The following PDE4D variants were observed in gnomAD, a reference collection of about 807,000 sequenced individuals.
PDE4D encodes the protein phosphodiesterase 4D.
A neutral mutation model predicts 87.4 loss-of-function variants in PDE4D; 24 were observed. The ratio of observed to expected loss-of-function variants is 0.27; its 90% CI spans 0.20 to 0.39. The LOEUF is 0.39. PDE4D is among the 10% of genes least tolerant of loss of function. PDE4D has a pLI of 1.00. For missense variants in PDE4D, 714 were observed against 1,041.0 expected, an observed-to-expected ratio of 0.69 and a Z score of 4.32; for synonymous variants, 384 against 383.2, an observed-to-expected ratio of 1.00 and a Z score of -0.02.
At chr5:60,402,210 T>C (rs970978338) in intron 1 of PDE4D, among the ~76,000 whole-genome samples, 1 of 152,138 alleles carries the variant, frequency 6.6e-6, no homozygotes, top group African/African-American at 2.4e-5. Flanking sequence ...GTAGAGAACA[T>C]TGAACTATAA....
At chr5:59,158,191 G>A (rs1439590037) in intron 5 of PDE4D, among the ~76,000 whole-genome samples, 1 of 152,116 alleles carries the variant, frequency 6.6e-6, no homozygotes, top group Non-Finnish European at 1.5e-5. Context: ...ATTGCCTTCT[G>A]ATCATTTAAC....
At chr5:60,241,593 T>C (rs1268453669) in intron 1 of PDE4D, among the ~76,000 whole-genome samples, 1 of 151,616 alleles carries the variant, frequency 6.6e-6, no homozygotes, top group East Asian at 1.9e-4. Flanking sequence ...GAAGAAAAAA[T>C]TAGTGAGCTA....
At chr5:59,185,077 ACAACATGG>A in intron 4 of PDE4D, 104 bp downstream of exon 4, 1 of 731,188 alleles carries the variant, frequency 1.4e-6, no homozygotes, top group Non-Finnish European at 2.3e-6. Context: ...GTATACACAG[ACAACATGG>A]CAACAACACA....
chr5:60,192,328 A>G (rs551009182), intron 1 of PDE4D, among the ~76,000 whole-genome samples: 1 of 152,180 alleles, frequency 6.6e-6, no homozygotes, highest in Non-Finnish European at 1.5e-5. Flanking sequence ...CATTTCATAT[A>G]TTGCTGATCA....
intron 2 of PDE4D, among the ~76,000 whole-genome samples, chr5:60,177,010 C>G (rs921449068): frequency 6.6e-6 from 1 of 152,122 alleles, no homozygotes; most frequent in African/African-American, 2.4e-5. Context: ...GCAGAAAGGA[C>G]TGGGTTTGTC....
intron 1 of PDE4D, among the ~76,000 whole-genome samples, chr5:59,790,774 T>C (rs1053434148): frequency 2.6e-5 from 4 of 152,232 alleles, no homozygotes; most frequent in African/African-American, 9.6e-5. Context: ...ATGCAATTCA[T>C]TGTGAAATTA....
chr5:59,036,939 A>G (rs1418403815), intron 6 of PDE4D, among the ~76,000 whole-genome samples: 1 of 152,210 alleles, frequency 6.6e-6, no homozygotes, highest in Non-Finnish European at 1.5e-5. Flanking sequence ...TTAACCAAAC[A>G]GACCAACCTC....
At chr5:60,080,401 G>A (rs903051501) in intron 2 of PDE4D, among the ~76,000 whole-genome samples, 1 of 152,266 alleles carries the variant, frequency 6.6e-6, no homozygotes, top group East Asian at 1.9e-4. Flanking sequence ...GCCCTGGTCA[G>A]AACTTCCAAT....
intron 3 of PDE4D, among the ~76,000 whole-genome samples, chr5:59,937,282 A>G (rs545123941): frequency 1.3e-5 from 2 of 152,340 alleles, no homozygotes; most frequent in Admixed American, 6.5e-5. Context: ...ACATAAAATA[A>G]TATATACGCT....
chr5:59,836,618 GTATCTATCTATC>G (rs6149046), intron 1 of PDE4D, among the ~76,000 whole-genome samples: 42 of 140,480 alleles, frequency 3.0e-4, no homozygotes, highest in South Asian at 8.8e-4. Context: ...CTTCCAAGAT[GTATCTATCTATC>G]TATCTATCTA....
At position 59,215,945 on chromosome 5, in the gene PDE4D, G is replaced by C. The variant is rs772608117; in HGVS notation, c.479C>G (p.Ser160Cys). The C allele has an allele frequency of 6.2e-7, 1 of 1,612,540 alleles. No individual in the cohort carries two copies. Among genetic ancestry groups the C allele is most frequent in the Non-Finnish European group, 8.5e-7 (1 of 1,178,980 alleles). ...GGGATCCAAGGGACTCCGTCCCGCA[G>C]ATGTGCCATTGTCCACATCAAAACT... ...LRRFDVDNGT[S>C]AGRSPLDPMT... The change falls in exon 2 of 15, where the codon TCT becomes TGT. Residue 160 changes from serine to cysteine, a missense_variant. Ser to Cys is a moderately radical substitution (Grantham distance 112, BLOSUM62 -1). Around this residue, in one of 7 missense-constraint regions of PDE4D, gnomAD observed 268 missense variants for 272.9 expected, o/e 0.98. Transcript: ENST00000340635.
intron 5 of PDE4D, among the ~76,000 whole-genome samples, chr5:59,150,212 G>C (rs984830921): frequency 1.6e-4 from 25 of 152,158 alleles, no homozygotes; most frequent in African/African-American, 5.1e-4. Context: ...AGAGAAGCCA[G>C]TACTTGCCTT....
intron 3 of PDE4D, among the ~76,000 whole-genome samples, chr5:59,986,140 C>A (rs1762441180): frequency 1.4e-5 from 1 of 72,434 alleles, no homozygotes; most frequent in East Asian, 3.0e-3. Context: ...CAACCTCTGC[C>A]TTCAAGCAGG....
At chr5:59,283,045 A>G (rs534630842) in intron 1 of PDE4D, among the ~76,000 whole-genome samples, 1 of 152,334 alleles carries the variant, frequency 6.6e-6, no homozygotes, top group Non-Finnish European at 1.5e-5. Context: ...GATTGCAAAC[A>G]AATTATTTAA....
At chr5:59,057,933 A>G (rs966821967) in intron 5 of PDE4D, among the ~76,000 whole-genome samples, 2 of 152,194 alleles carry the variant, frequency 1.3e-5, no homozygotes, top group Non-Finnish European at 2.9e-5. Flanking sequence ...AGAGATAGAG[A>G]CTGGCAAATA....
intron 1 of PDE4D, among the ~76,000 whole-genome samples, chr5:59,531,680 A>G (rs1342764387): frequency 6.6e-6 from 1 of 152,120 alleles, no homozygotes; most frequent in African/African-American, 2.4e-5. Flanking sequence ...TCCAAAGCCA[A>G]CAAAGTTGCA....
At chr5:59,755,238 C>T (rs976022261) in intron 1 of PDE4D, among the ~76,000 whole-genome samples, 1 of 152,052 alleles carries the variant, frequency 6.6e-6, no homozygotes, top group Non-Finnish European at 1.5e-5. Flanking sequence ...GAGAACAGAC[C>T]TCAGGCTCAG....
chr5:60,138,441 CACA>C (rs1270644206), intron 2 of PDE4D, among the ~76,000 whole-genome samples: 1 of 151,972 alleles, frequency 6.6e-6, no homozygotes, highest in Non-Finnish European at 1.5e-5. Context: ...CAAGATTTTC[CACA>C]ACACTTAGAT....
At chr5:59,601,592 T>C (rs1827512389) in intron 1 of PDE4D, among the ~76,000 whole-genome samples, 1 of 152,142 alleles carries the variant, frequency 6.6e-6, no homozygotes, top group African/African-American at 2.4e-5. Flanking sequence ...TTCTTTTTCC[T>C]CTATGTTTGT....
Sources: allele counts gnomAD v4.1 joint callset (sites outside exome capture counted in the v4.1 genomes callset), GRCh38; gene constraint gnomAD v4.1.1; regional missense constraint gnomAD v4.1.1; transcripts MANE v1.5; gene names NCBI Gene and HGNC (gene_info 2026-07-23, HGNC 2026-07-21).